PPP1R13L: variants seen among roughly 807,000 people sequenced by gnomAD.
The protein encoded by PPP1R13L is relA-associated inhibitor.
PPP1R13L carries 50 observed loss-of-function variants against 80.9 expected under a neutral mutation model. The ratio of observed to expected loss-of-function variants is 0.62; its 90% confidence interval spans 0.49 to 0.78. PPP1R13L has a LOEUF of 0.78. Among genes scored for constraint, PPP1R13L ranks in the 30% least tolerant of loss-of-function variants. The pLI is 0.00. For missense variants in PPP1R13L, 1,200 were observed against 1,205.9 expected, an observed-to-expected ratio of 1.00 and a Z score of 0.07; for synonymous variants, 602 against 534.3, an observed-to-expected ratio of 1.13 and a Z score of -1.75.
intron 8 of PPP1R13L, among the ~76,000 whole-genome samples, chr19:45,389,534 G>T (rs1401303873): frequency 3.3e-5 from 5 of 152,148 alleles, no homozygotes. Flanking sequence ...TCTTGGCGGG[G>T]TGTGGTGGCT....
At chr19:45,406,137 C>A (rs1258695169), upstream of PPP1R13L, 2 of 274,320 alleles carry the variant, frequency 7.3e-6, no homozygotes, top group South Asian at 2.7e-4. This position sits in a 1 kb window ranked among gnomAD's most constrained non-coding sequence, Gnocchi z 4.2. Flanking sequence ...CCAGAAGCCC[C>A]GCCCCTGGCT....
intron 11 of PPP1R13L, among the ~76,000 whole-genome samples, 166 bp downstream of exon 11, chr19:45,385,396 C>T (rs1972843980): frequency 6.6e-6 from 1 of 152,222 alleles, no homozygotes; most frequent in Non-Finnish European, 1.5e-5. Flanking sequence ...AGGGCATAGT[C>T]CCCCCACCCC....
chr19:45,385,253 T>C (rs111567158), intron 11 of PPP1R13L, among the ~76,000 whole-genome samples: 307 of 152,310 alleles, frequency 2.0e-3, no homozygotes, highest in African/African-American at 7.0e-3. Flanking sequence ...GCCAGGTAGA[T>C]GGCAGGGTTG....
intron 12 of PPP1R13L, among the ~76,000 whole-genome samples, chr19:45,381,774 C>CAA (rs796756556): frequency 2.5e-3 from 301 of 119,122 alleles, no homozygotes; most frequent in African/African-American, 7.7e-3. Context: ...ACACAAAATA[C>CAA]AAAAAAAAAA....
chr19:45,385,503 C>T, intron 11 of PPP1R13L, 59 bp downstream of exon 11: 1 of 1,505,398 alleles, frequency 6.6e-7, no homozygotes, highest in Non-Finnish European at 8.9e-7. Context: ...GGTAGTTGCT[C>T]CCCTCCCCGC....
At chr19:45,397,482 C>CTTTCTTTCTTTA (rs1440658687) in intron 3 of PPP1R13L, among the ~76,000 whole-genome samples, 1 of 99,112 alleles carries the variant, frequency 1.0e-5, no homozygotes, top group African/African-American at 6.1e-5. Flanking sequence ...CTCTTTCTTT[C>CTTTCTTTCTTTA]TTTCTTTCTT....
Position 45,398,340 on chromosome 19 carries a change from C to T in PPP1R13L, c.-21-1G>A. 3 of 1,612,872 alleles carry T rather than the reference C, an allele frequency of 1.9e-6. No homozygotes were observed. The highest frequency in any genetic ancestry group is 1.1e-5 in the South Asian group (1 of 91,056). On this transcript the variant is annotated splice_acceptor_variant, in intron 1 of 12. Transcript: ENST00000360957. LOFTEE classifies it low-confidence loss of function (5UTR_SPLICE). ...CCATGGTGCCGGCCGGAGCGGGCGC[C>T]TGCATGGTGGGGAGGGAGGGAGCTG...
intron 10 of PPP1R13L, 48 bp from the exon 11 acceptor site, chr19:45,385,776 C>T (rs763065616): frequency 6.2e-7 from 1 of 1,607,796 alleles, no homozygotes; most frequent in Admixed American, 1.7e-5. Context: ...TGAGAGGCTG[C>T]GCGTCCGCCC....
intron 12 of PPP1R13L, among the ~76,000 whole-genome samples, chr19:45,380,635 T>C (rs1329785209): frequency 2.6e-5 from 4 of 152,166 alleles, no homozygotes; most frequent in Admixed American, 6.6e-5. Flanking sequence ...CTGGTCAACA[T>C]GACGAGACCC....
chr19:45,385,299 G>A (rs910605447), intron 11 of PPP1R13L, among the ~76,000 whole-genome samples: 1 of 152,194 alleles, frequency 6.6e-6, no homozygotes, highest in Non-Finnish European at 1.5e-5. Flanking sequence ...GATGTGAAAG[G>A]TGAGCAGACC....
intron 12 of PPP1R13L, among the ~76,000 whole-genome samples, chr19:45,382,166 C>A (rs1972775025): frequency 6.7e-6 from 1 of 149,780 alleles, no homozygotes; most frequent in Non-Finnish European, 1.5e-5. Flanking sequence ...GGGGGGGGCC[C>A]GAGGTTGCAG....
In PPP1R13L at chr19:45,398,357, A is replaced by T; in HGVS notation, c.-21-18T>A. The T allele has an allele frequency of 3.1e-6, 5 of 1,610,540 alleles. No individual in the cohort carries two copies. The highest frequency in any genetic ancestry group is 4.2e-6 in the Non-Finnish European group (5 of 1,179,392). ...GCGGGCGCCTGCATGGTGGGGAGGG[A>T]GGGAGCTGGCTAAGACCCCGCCCCT... On this transcript the variant is annotated intron_variant, in intron 1 of 12. Transcript: ENST00000360957.
At chr19:45,388,804 C>A (rs940622276) in intron 8 of PPP1R13L, among the ~76,000 whole-genome samples, 1 of 151,888 alleles carries the variant, frequency 6.6e-6, no homozygotes, top group African/African-American at 2.4e-5. Context: ...GTGGCGCAAT[C>A]TCGGCTCACT....
At chr19:45,397,958 T>C (rs1464473877) in intron 3 of PPP1R13L, 47 bp downstream of exon 3, 2 of 1,579,900 alleles carry the variant, frequency 1.3e-6, no homozygotes, top group Non-Finnish European at 8.6e-7. Flanking sequence ...TGGTCTGGAC[T>C]GTGGCGAGAG....
chr19:45,386,994 C>T (rs539631115), intron 8 of PPP1R13L, among the ~76,000 whole-genome samples: 11 of 151,166 alleles, frequency 7.3e-5, no homozygotes, highest in South Asian at 2.1e-4. Context: ...CTGGGCTGGG[C>T]GAGGTGGCTC....
At chr19:45,390,212 T>C (rs1011168088) in intron 8 of PPP1R13L, among the ~76,000 whole-genome samples, 4 of 152,122 alleles carry the variant, frequency 2.6e-5, no homozygotes, top group Non-Finnish European at 5.9e-5. Flanking sequence ...TGCCTCAGCC[T>C]CCTGAGTAGC....
chr19:45,389,900 A>G (rs1161061717), intron 8 of PPP1R13L, among the ~76,000 whole-genome samples: 1 of 151,510 alleles, frequency 6.6e-6, no homozygotes, highest in East Asian at 1.9e-4. Context: ...GGCTCACGCC[A>G]TTCTCCTCTC....
intron 12 of PPP1R13L, among the ~76,000 whole-genome samples, chr19:45,382,167 G>T (rs533757720): frequency 6.6e-6 from 1 of 152,054 alleles, no homozygotes; most frequent in Non-Finnish European, 1.5e-5. Context: ...GGGGGGGCCC[G>T]AGGTTGCAGT....
rs142774870 is a variant in PPP1R13L, at chr19:45,391,967, C to T, written c.1728G>A (p.Arg576=). Residue 576 remains arginine, a synonymous_variant, in exon 8 of 13, where the codon AGG becomes AGA. Coordinates refer to ENST00000360957, the MANE Select transcript of PPP1R13L (RefSeq NM_006663.4). The part of the protein sequence containing the change: ...LSPITEGSEA[R]AGPPAPAPPA... ...GTGGGGCAGGAGCAGGGGGCCCTGC[C>T]CTGGCCTCAGATCCCTCAGTGATGG... 13 of 1,518,962 alleles carry T rather than the reference C, an allele frequency of 8.6e-6. No homozygotes were observed. The highest frequency in any genetic ancestry group is 1.4e-5 in the African/African-American group (1 of 71,562). The allele number at this position is 1,518,962 out of a possible 1,614,324, so 94.1% of individuals were successfully genotyped here.
Sources: allele counts gnomAD v4.1 joint callset (sites outside exome capture counted in the v4.1 genomes callset), GRCh38; gene constraint gnomAD v4.1.1; non-coding constraint Gnocchi (gnomAD v3.1); transcripts MANE v1.5; gene names NCBI Gene and HGNC (gene_info 2026-07-23, HGNC 2026-07-21).